Variants in CXXC4 observed in about 807,000 individuals in gnomAD.
CXXC4 encodes the protein CXXC-type zinc finger protein 4.
CXXC4 carries 5 observed loss-of-function variants against 20.5 expected under a neutral mutation model. The observed-to-expected ratio is 0.24, with a 90% CI of 0.13 to 0.51. The LOEUF (loss-of-function observed/expected upper bound fraction) is 0.51. Ranked by LOEUF, CXXC4 falls within the 20% of genes least tolerant of loss-of-function variation. The pLI, the probability that CXXC4 is intolerant of heterozygous loss-of-function variation, is 0.97. For missense variants in CXXC4, 419 were observed against 496.4 expected, an observed-to-expected ratio of 0.84 and a Z score of 1.48; for synonymous variants, 250 against 216.4, an observed-to-expected ratio of 1.16 and a Z score of -1.36.
intron 2 of CXXC4, among the ~76,000 whole-genome samples, chr4:104,489,483 A>T (rs996325103): frequency 1.3e-5 from 2 of 152,224 alleles, no homozygotes; most frequent in Non-Finnish European, 2.9e-5. Context: ...AAGAATGTAC[A>T]GATAACCCTA....
intron 2 of CXXC4, among the ~76,000 whole-genome samples, chr4:104,476,966 A>G (rs932444077): frequency 2.0e-5 from 3 of 152,174 alleles, no homozygotes; most frequent in African/African-American, 7.2e-5. Context: ...CACCTACTGT[A>G]TAACCTTTTG....
chr4:104,473,947 T>C (rs1199519708), intron 2 of CXXC4, among the ~76,000 whole-genome samples: 2 of 151,990 alleles, frequency 1.3e-5, no homozygotes, highest in Admixed American at 6.6e-5. Context: ...AAAGTATTAA[T>C]TGATTAGGAT....
At position 104,491,631 on chromosome 4, in the gene CXXC4, G is replaced by C; in HGVS notation, c.172C>G (p.Pro58Ala). ...SFYKTNGGAFPQAAKIARITT... is the reference protein window; with the variant it reads ...SFYKTNGGAFAQAAKIARITT... Reference sequence around the variant, plus strand: ...ATGCGCGCGATCTTGGCCGCCTGTGGGAAGGCGCCCCCGTTGGTCTTGTAG... The same window carrying C: ...ATGCGCGCGATCTTGGCCGCCTGTGCGAAGGCGCCCCCGTTGGTCTTGTAG... Residue 58 changes from proline (P) to alanine (A), a missense_variant, in exon 2 of 3, where the codon CCA becomes GCA. Physicochemically the swap from Pro to Ala is conservative, Grantham distance 27. Transcript: ENST00000394767. 1 of 1,543,380 alleles carries C rather than the reference G, an allele frequency of 6.5e-7. No homozygotes were observed. The highest frequency in any genetic ancestry group is 8.7e-7 in the Non-Finnish European group (1 of 1,144,046).
intron 2 of CXXC4, among the ~76,000 whole-genome samples, chr4:104,478,335 T>A (rs1736468969): frequency 6.6e-6 from 1 of 152,122 alleles, no homozygotes; most frequent in Non-Finnish European, 1.5e-5. Context: ...CATTATGTTG[T>A]AAAGGCACTA....
intron 2 of CXXC4, among the ~76,000 whole-genome samples, chr4:104,478,915 G>A (rs1365143016): frequency 6.6e-6 from 1 of 151,782 alleles, no homozygotes; most frequent in Non-Finnish European, 1.5e-5. Context: ...ATAGTCATAT[G>A]TTCATATTTC....
At chr4:104,476,900 G>A (rs944116652) in intron 2 of CXXC4, among the ~76,000 whole-genome samples, 2 of 152,078 alleles carry the variant, frequency 1.3e-5, no homozygotes, top group East Asian at 3.8e-4. Context: ...TAATCGTGAA[G>A]CATGCTTTCT....
At chr4:104,481,794 G>T (rs1381629408) in intron 2 of CXXC4, among the ~76,000 whole-genome samples, 11 of 152,068 alleles carry the variant, frequency 7.2e-5, no homozygotes. Context: ...TTTATCAAGG[G>T]TTTACTATGT....
chr4:104,480,062 G>A (rs1274140432), intron 2 of CXXC4, among the ~76,000 whole-genome samples: 1 of 152,006 alleles, frequency 6.6e-6, no homozygotes, highest in African/African-American at 2.4e-5. Context: ...ATACTATTAA[G>A]CATTTTCCAC....
At chr4:104,484,384 T>C (rs551246665) in intron 2 of CXXC4, among the ~76,000 whole-genome samples, 77 of 152,110 alleles carry the variant, frequency 5.1e-4, no homozygotes, top group African/African-American at 1.8e-3. Context: ...GGACCACATA[T>C]AATTTTAAAT....
At chr4:104,472,422 T>C (rs769933616) in intron 2 of CXXC4, 56 bp from the exon 3 acceptor site, 93 of 1,363,974 alleles carry the variant, frequency 6.8e-5, no homozygotes, top group Non-Finnish European at 9.1e-5. Flanking sequence ...CAATATAAAA[T>C]TAGATTTTTC....
chr4:104,468,468 C>T lies in CXXC4; in HGVS notation c.*3854G>A, dbSNP rs559218679. 7.1e-4 allele frequency: 107 copies of T among 150,006 alleles called. No individual in the cohort carries two copies. The highest frequency in any genetic ancestry group is 2.5e-3 in the African/African-American group (102 of 40,996). The allele number at this position is 150,006 out of a possible 1,614,324, so 9.3% of individuals were successfully genotyped here. On this transcript the variant is annotated 3_prime_UTR_variant, in exon 3 of 3. Coordinates refer to ENST00000394767, the MANE Select transcript of CXXC4 (RefSeq NM_025212.4). ...TAATAAATACACTGTTTTCCAAAAC[C>T]GTTTTTTAAATAATTGCACAAGCAT...
intron 2 of CXXC4, among the ~76,000 whole-genome samples, chr4:104,475,461 T>A (rs1361115732): frequency 2.0e-5 from 3 of 152,096 alleles, no homozygotes; most frequent in Non-Finnish European, 4.4e-5. Flanking sequence ...TCAGGAACAA[T>A]GGAAATGTAC....
Position 104,491,479 on chromosome 4 carries a change from G to T in CXXC4, c.324C>A (p.Gly108=). ...CCCCCCCGCCGCCGCCCCCGCCCCC[G>T]CCGCTGCCCCAGAGCATGGCGGTGG... ...AAATAMLWGS[G]GGGGGGGGGG... The change falls in exon 2 of 3, where the codon GGC becomes GGA. Residue 108 remains glycine, a synonymous_variant. Transcript: ENST00000394767. The T allele has an allele frequency of 2.6e-6, 1 of 377,932 alleles. No individual in the cohort carries two copies. Among genetic ancestry groups the T allele is most frequent in the Non-Finnish European group, 3.8e-6 (1 of 264,354 alleles). The allele number at this position is 377,932 out of a possible 1,614,324, so 23.4% of individuals were successfully genotyped here.
At chr4:104,475,442 C>G (rs1736378525) in intron 2 of CXXC4, among the ~76,000 whole-genome samples, 1 of 152,044 alleles carries the variant, frequency 6.6e-6, no homozygotes, top group African/African-American at 2.4e-5. Flanking sequence ...ATCTCCTGCC[C>G]AATTTTCATC....
intron 2 of CXXC4, among the ~76,000 whole-genome samples, chr4:104,485,560 C>T (rs924020633): frequency 5.3e-5 from 8 of 152,066 alleles, no homozygotes; most frequent in Non-Finnish European, 1.2e-4. Context: ...TCTGAGAGCA[C>T]CAACAACTTT....
chr4:104,491,881 G>A lies in CXXC4; in HGVS notation c.-79C>T, dbSNP rs1379527226. On this transcript the variant is annotated 5_prime_UTR_variant, in exon 2 of 3. Transcript: ENST00000394767. ...ACACCTGGGTGGAAAAGGGGGAAAG[G>A]TGGGGGGGAGGGAAGGGAGTGATGG... 4 of 368,314 alleles carry A rather than the reference G, an allele frequency of 1.1e-5. No homozygotes were observed. Among genetic ancestry groups the A allele is most frequent in the African/African-American group, 2.4e-5 (1 of 41,038 alleles). The allele number at this position is 368,314 out of a possible 1,614,324, so 22.8% of individuals were successfully genotyped here.
At chr4:104,478,206 C>T (rs1310648192) in intron 2 of CXXC4, among the ~76,000 whole-genome samples, 1 of 152,174 alleles carries the variant, frequency 6.6e-6, no homozygotes, top group Non-Finnish European at 1.5e-5. Flanking sequence ...GCCTTGCACT[C>T]CTACACTGCA....
chr4:104,492,636 G>C (rs1286725103), intron 1 of CXXC4, among the ~76,000 whole-genome samples: 2 of 152,134 alleles, frequency 1.3e-5, no homozygotes, highest in African/African-American at 4.8e-5. Flanking sequence ...CATACAATCT[G>C]AACTAAAGAG....
intron 2 of CXXC4, among the ~76,000 whole-genome samples, chr4:104,482,557 T>G (rs1736583012): frequency 6.6e-6 from 1 of 152,102 alleles, no homozygotes; most frequent in African/African-American, 2.4e-5. Context: ...CTTATCTAAT[T>G]TAATCTATTT....
Sources: allele counts gnomAD v4.1 joint callset (sites outside exome capture counted in the v4.1 genomes callset), GRCh38; gene constraint gnomAD v4.1.1; transcripts MANE v1.5; gene names NCBI Gene and HGNC (gene_info 2026-07-23, HGNC 2026-07-21).